Variants in MAF observed in about 807,000 individuals in gnomAD.
MAF encodes transcription factor Maf.
MAF carries 10 observed loss-of-function variants against 22.0 expected under a neutral mutation model. The ratio of observed to expected loss-of-function variants is 0.45; its 90% CI spans 0.28 to 0.77. MAF has a LOEUF of 0.77. Among genes scored for constraint, MAF ranks in the 30% least tolerant of loss-of-function variants. The pLI is 0.12. For synonymous variants in MAF, 337 were observed against 255.8 expected, an observed-to-expected ratio of 1.32 and a Z score of -3.03; for missense variants, 544 against 548.4, an observed-to-expected ratio of 0.99 and a Z score of 0.08.
At chr16:79,374,094 T>A in the MAF span, among the ~76,000 whole-genome samples, 3 of 152,226 alleles carry the variant, frequency 2.0e-5, no homozygotes, top group East Asian at 5.8e-4. Context: ...TGAAAACACA[T>A]CAAACAAGTA....
the MAF span, among the ~76,000 whole-genome samples, chr16:79,408,093 A>AAAAC: frequency 6.6e-6 from 1 of 151,238 alleles, no homozygotes; most frequent in Non-Finnish European, 1.5e-5. Flanking sequence ...AAAAAAAAAA[A>AAAAC]AAAAAAACCT....
At chr16:79,479,812 A>G in the MAF span, among the ~76,000 whole-genome samples, 2 of 152,212 alleles carry the variant, frequency 1.3e-5, no homozygotes, top group Admixed American at 6.5e-5. Context: ...TGTTGACCTC[A>G]TGTTAAGATG....
At chr16:79,380,215 C>G in the MAF span, among the ~76,000 whole-genome samples, 1 of 152,210 alleles carries the variant, frequency 6.6e-6, no homozygotes, top group Non-Finnish European at 1.5e-5. Context: ...AGCAGACCTT[C>G]ACTTGAGATT....
the MAF span, among the ~76,000 whole-genome samples, chr16:79,432,423 A>G: frequency 6.6e-6 from 1 of 152,214 alleles, no homozygotes; most frequent in African/African-American, 2.4e-5. Context: ...CTATGATAAG[A>G]TTTAATTTAT....
chr16:79,534,814 T>C, the MAF span, among the ~76,000 whole-genome samples: 7,213 of 152,172 alleles, frequency 0.047, 588 homozygotes, highest in African/African-American at 0.16. Flanking sequence ...ACTGTAAGGG[T>C]CTAGAACTAG....
the MAF span, among the ~76,000 whole-genome samples, chr16:79,494,811 C>G: frequency 6.6e-6 from 1 of 152,182 alleles, no homozygotes; most frequent in Non-Finnish European, 1.5e-5. Context: ...AGTCATAAGT[C>G]TGGGCCTCTG....
chr16:79,253,498 CCTT>C, the MAF span, among the ~76,000 whole-genome samples: 1 of 152,184 alleles, frequency 6.6e-6, no homozygotes, highest in Non-Finnish European at 1.5e-5. Flanking sequence ...CTGTGGCCTC[CCTT>C]CTCCAATTTT....
chr16:79,522,407 G>A, the MAF span, among the ~76,000 whole-genome samples: 1 of 152,142 alleles, frequency 6.6e-6, no homozygotes. Context: ...CCCCAACAGA[G>A]CTGCTAAAGG....
chr16:79,519,936 G>C, the MAF span, among the ~76,000 whole-genome samples: 18 of 152,352 alleles, frequency 1.2e-4, no homozygotes, highest in Admixed American at 3.3e-4. Flanking sequence ...GCGCATGTTT[G>C]TCAATGCAAG....
the MAF span, among the ~76,000 whole-genome samples, chr16:79,560,486 G>C: frequency 1.3e-5 from 2 of 151,464 alleles, no homozygotes; most frequent in Admixed American, 6.6e-5. Context: ...AGCTGTTGAA[G>C]GATCCCAGGA....
chr16:79,425,089 C>T, the MAF span, among the ~76,000 whole-genome samples: 2 of 152,060 alleles, frequency 1.3e-5, no homozygotes, highest in African/African-American at 2.4e-5. Context: ...TCCCCATATA[C>T]CCAAAGATGA....
chr16:79,597,788 C>G, intron 1 of MAF: 1 of 1,012,300 alleles, frequency 9.9e-7, no homozygotes, highest in Non-Finnish European at 1.2e-6. Context: ...CCATACATGT[C>G]CAGCATGCAG....
At chr16:79,298,552 G>A in the MAF span, among the ~76,000 whole-genome samples, 1 of 152,168 alleles carries the variant, frequency 6.6e-6, no homozygotes, top group Non-Finnish European at 1.5e-5. Context: ...TGCCAATCAC[G>A]GGCCTCTCTT....
chr16:79,295,440 T>C, the MAF span, among the ~76,000 whole-genome samples: 4 of 152,314 alleles, frequency 2.6e-5, no homozygotes, highest in South Asian at 8.3e-4. Flanking sequence ...CCAGATTGGT[T>C]ACAGCTCGGT....
chr16:79,467,010 G>T, the MAF span, among the ~76,000 whole-genome samples: 4 of 152,112 alleles, frequency 2.6e-5, no homozygotes, highest in Non-Finnish European at 4.4e-5. Flanking sequence ...ACTCCTGGCC[G>T]CCTCCAAGCC....
the MAF span, chr16:79,205,141 T>G: frequency 6.6e-6 from 1 of 152,246 alleles, no homozygotes; most frequent in Non-Finnish European, 1.5e-5. Context: ...GCCTGTCATT[T>G]AAAAGCTGCA....
the MAF span, among the ~76,000 whole-genome samples, chr16:79,385,725 AC>A: frequency 1.3e-5 from 2 of 152,056 alleles, no homozygotes; most frequent in Non-Finnish European, 2.9e-5. Context: ...ACATGGCAAA[AC>A]CCTGTCTCTA....
At chr16:79,506,532 G>A in the MAF span, among the ~76,000 whole-genome samples, 9 of 152,328 alleles carry the variant, frequency 5.9e-5, no homozygotes, top group South Asian at 2.1e-4. Context: ...GAGAGAATGT[G>A]GGGAAGACCT....
chr16:79,458,715 G>C, the MAF span, among the ~76,000 whole-genome samples: 1 of 152,174 alleles, frequency 6.6e-6, no homozygotes, highest in African/African-American at 2.4e-5. Context: ...TAGGTTGTTT[G>C]TTGTTACGTT....
Sources: gnomAD v4.1 joint callset for allele counts (sites outside exome capture counted in the v4.1 genomes callset) on GRCh38, gnomAD v4.1.1 for gene constraint, MANE v1.5 for transcripts, NCBI Gene and HGNC (gene_info 2026-07-23, HGNC 2026-07-21) for gene names.